IQCJ: variants seen among roughly 807,000 people sequenced by gnomAD.
IQCJ encodes the protein IQ motif containing J.
A neutral mutation model predicts 11.0 loss-of-function variants in IQCJ; 9 were observed. That is an observed-to-expected ratio of 0.82 (90% CI 0.49 to 1.43). The LOEUF is 1.43. IQCJ is among the 40% of genes most tolerant of loss of function. The pLI, the probability that IQCJ is intolerant of heterozygous loss-of-function variation, is 0.00. For synonymous variants in IQCJ, 55 were observed against 51.3 expected, an observed-to-expected ratio of 1.07 and a Z score of -0.31; for missense variants, 146 against 133.2, an observed-to-expected ratio of 1.10 and a Z score of -0.47.
intron 1 of IQCJ, among the ~76,000 whole-genome samples, chr3:159,092,653 G>C (rs997919809): frequency 6.6e-6 from 1 of 150,406 alleles, no homozygotes; most frequent in Admixed American, 6.6e-5. Context: ...AGCCGAGATT[G>C]CACCACTGCA....
chr3:159,163,670 T>G (rs945687533), intron 1 of IQCJ, among the ~76,000 whole-genome samples: 1 of 152,130 alleles, frequency 6.6e-6, no homozygotes, highest in African/African-American at 2.4e-5. Flanking sequence ...CAGCCTCATT[T>G]TTCATGTATT....
chr3:159,172,584 T>C (rs1249127920), intron 1 of IQCJ, among the ~76,000 whole-genome samples: 1 of 152,112 alleles, frequency 6.6e-6, no homozygotes, highest in Non-Finnish European at 1.5e-5. Context: ...TATCTTGGTT[T>C]GAAATAAAAT....
chr3:159,079,727 A>G (rs13317662), intron 1 of IQCJ, among the ~76,000 whole-genome samples: 1,861 of 152,184 alleles, frequency 0.012, 29 homozygotes, highest in African/African-American at 0.042. Flanking sequence ...ATTTTTTCCT[A>G]TGATTTCATT....
chr3:159,188,695 A>G (rs2108033834), intron 1 of IQCJ, among the ~76,000 whole-genome samples: 1 of 152,168 alleles, frequency 6.6e-6, no homozygotes, highest in Non-Finnish European at 1.5e-5. Flanking sequence ...AGGATACTTT[A>G]TTACATCTAG....
chr3:159,069,843 TTGTGTGTGTGTGTGTGTGTG>T (rs34425057), intron 1 of IQCJ: 17 of 300,614 alleles, frequency 5.7e-5, no homozygotes, highest in African/African-American at 1.2e-4. Context: ...CCCTCCTTTC[TTGTGTGTGTGTGTGTGTGTG>T]TGTGTGTGTG....
chr3:159,085,249 A>T (rs1716644779), intron 1 of IQCJ, among the ~76,000 whole-genome samples: 2 of 151,468 alleles, frequency 1.3e-5, no homozygotes, highest in Non-Finnish European at 2.9e-5. Context: ...ACATGAACTC[A>T]TCATTTTTTA....
At chr3:159,233,714 C>T (rs1035333273) in intron 1 of IQCJ, among the ~76,000 whole-genome samples, 1 of 152,090 alleles carries the variant, frequency 6.6e-6, no homozygotes, top group Admixed American at 6.6e-5. Flanking sequence ...GAGCTGGACA[C>T]CACAGGAATG....
At chr3:159,215,974 T>C (rs1313212194) in intron 1 of IQCJ, among the ~76,000 whole-genome samples, 1 of 151,856 alleles carries the variant, frequency 6.6e-6, no homozygotes, top group East Asian at 1.9e-4. Context: ...AGGAAATGTC[T>C]CACTAAGTGC....
chr3:159,116,291 GAAGAGGAAGACA>G (rs962403712), intron 1 of IQCJ, among the ~76,000 whole-genome samples: 52 of 152,060 alleles, frequency 3.4e-4, no homozygotes, highest in Middle Eastern at 3.4e-3. Flanking sequence ...AGAGGAAAAA[GAAGAGGAAGACA>G]AAGAAGAAAA....
intron 1 of IQCJ, among the ~76,000 whole-genome samples, chr3:159,081,609 G>A (rs1406613165): frequency 6.6e-6 from 1 of 151,940 alleles, no homozygotes; most frequent in African/African-American, 2.4e-5. Flanking sequence ...TTTTCAGTGT[G>A]GTTGACCAAA....
chr3:159,117,488 C>T (rs868392334), intron 1 of IQCJ, among the ~76,000 whole-genome samples: 4 of 152,136 alleles, frequency 2.6e-5, no homozygotes, highest in African/African-American at 7.2e-5. Context: ...TTTAATAAAA[C>T]GTTGAGTTCA....
At chr3:159,210,762 C>T (rs1724908942) in intron 1 of IQCJ, among the ~76,000 whole-genome samples, 1 of 152,180 alleles carries the variant, frequency 6.6e-6, no homozygotes, top group African/African-American at 2.4e-5. Context: ...CCTCCCCCTC[C>T]CGGATTCCAG....
chr3:159,118,640 A>G (rs1227898195), intron 1 of IQCJ, among the ~76,000 whole-genome samples: 1 of 152,226 alleles, frequency 6.6e-6, no homozygotes, highest in Non-Finnish European at 1.5e-5. Context: ...TTCCAAGCCT[A>G]GGTTTTTAAT....
chr3:159,081,449 GC>G (rs1394231561), intron 1 of IQCJ, among the ~76,000 whole-genome samples: 12 of 152,142 alleles, frequency 7.9e-5, no homozygotes, highest in African/African-American at 2.6e-4. Context: ...CAAAAATACT[GC>G]CAATACAGCA....
intron 1 of IQCJ, among the ~76,000 whole-genome samples, chr3:159,101,090 G>A (rs1290510655): frequency 1.7e-5 from 2 of 118,830 alleles, no homozygotes; most frequent in African/African-American, 6.7e-5. Context: ...TTCTTAAGCC[G>A]GTCTGAAAAG....
chr3:159,075,095 A>G (rs541654430), intron 1 of IQCJ, among the ~76,000 whole-genome samples: 12 of 152,274 alleles, frequency 7.9e-5, no homozygotes, highest in African/African-American at 2.6e-4. Context: ...TAAAAACTCA[A>G]TTTTCAATAA....
At chr3:159,110,996 G>A (rs1718588945) in intron 1 of IQCJ, among the ~76,000 whole-genome samples, 1 of 152,198 alleles carries the variant, frequency 6.6e-6, no homozygotes, top group Admixed American at 6.5e-5. Context: ...AACAGAAGAG[G>A]CTTTCAGCAA....
chr3:159,214,202 C>G (rs994260151), intron 1 of IQCJ, among the ~76,000 whole-genome samples: 1 of 152,170 alleles, frequency 6.6e-6, no homozygotes, highest in Non-Finnish European at 1.5e-5. Context: ...AATCTGTTCA[C>G]TCTCCCTCCT....
At chr3:159,126,546 G>A (rs1193386965) in intron 1 of IQCJ, among the ~76,000 whole-genome samples, 3 of 152,130 alleles carry the variant, frequency 2.0e-5, no homozygotes, top group Non-Finnish European at 4.4e-5. Flanking sequence ...ATTCATCTTT[G>A]TATTTCCAGT....
Sources: allele counts gnomAD v4.1 joint callset (sites outside exome capture counted in the v4.1 genomes callset), GRCh38; gene constraint gnomAD v4.1.1; transcripts MANE v1.5; gene names NCBI Gene and HGNC (gene_info 2026-07-23, HGNC 2026-07-21).